Variants in GUCY2C observed in about 807,000 individuals in gnomAD.
The protein encoded by GUCY2C is guanylate cyclase 2C.
GUCY2C carries 118 observed loss-of-function variants against 131.1 expected under a neutral mutation model. That is an observed-to-expected ratio of 0.90 (90% CI 0.78 to 1.05). GUCY2C has a LOEUF of 1.05. Ranked by LOEUF, GUCY2C falls within the 50% of genes least tolerant of loss-of-function variation. GUCY2C has a pLI of 0.00. For missense variants in GUCY2C, 1,161 were observed against 1,304.4 expected (o/e 0.89, Z 1.69); for synonymous variants, 452 against 457.8 (o/e 0.99, Z 0.16).
rs1278960312 is a variant in GUCY2C at position 14,625,762 on chromosome 12, A to T, written c.2403T>A (p.Leu801=). 2 of 1,613,830 alleles carry T rather than the reference A, an allele frequency of 1.2e-6. No homozygotes were observed. Among genetic ancestry groups the T allele is most frequent in the Admixed American group, 3.3e-5 (2 of 59,946 alleles). The change falls in exon 21 of 27, where the codon CTT becomes CTA. Residue 801 remains leucine, a synonymous_variant. Transcript: ENST00000261170. ...ATCAGCAAGGCTTGCCTTACCTTGG[A>T]AGCAACATAAAGTTAAGTCTGTCAG... ...DRADRLNFML[L]PRLVVKSLKE...
chr12:14,673,655 T>C (rs762724286), intron 8 of GUCY2C, among the ~76,000 whole-genome samples: 1 of 152,202 alleles, frequency 6.6e-6, no homozygotes, highest in Non-Finnish European at 1.5e-5. Context: ...ATATTAAGGG[T>C]CGTACGGCTG....
chr12:14,695,936 C>T (rs1293666186), intron 1 of GUCY2C, among the ~76,000 whole-genome samples: 5 of 152,132 alleles, frequency 3.3e-5, no homozygotes, highest in African/African-American at 4.8e-5. Flanking sequence ...AGATTACAGA[C>T]GTGAGCCACC....
At chr12:14,693,131 C>A (rs1036918293) in intron 1 of GUCY2C, among the ~76,000 whole-genome samples, 1 of 152,086 alleles carries the variant, frequency 6.6e-6, no homozygotes, top group African/African-American at 2.4e-5. Context: ...CCTTTCCTAC[C>A]GGCACTCTCT....
chr12:14,680,110 A>C (rs1948320617), intron 5 of GUCY2C, among the ~76,000 whole-genome samples: 1 of 65,346 alleles, frequency 1.5e-5, no homozygotes, highest in Non-Finnish European at 5.7e-5. Context: ...TAATTACAGA[A>C]TATATTGTCA....
In GUCY2C at chr12:14,628,657, G is replaced by C; in HGVS notation, c.2238C>G (p.Ala746=). 6.5e-7 allele frequency: 1 copy of C among 1,537,588 alleles called. No homozygotes were observed. The highest frequency in any genetic ancestry group is 1.1e-5 in the South Asian group (1 of 89,432). The change falls in exon 20 of 27, where the codon GCC becomes GCG. Residue 746 remains alanine (A), a synonymous_variant. Transcript: ENST00000261170. ...CATTTCAGCAATACCCAAATATCTT[G>C]GCAAGTGTAGTCTCAATTTTTTTGA... ...PDFKKIETTL[A]KIFGLFHDQK...
In GUCY2C at chr12:14,634,370, AC is replaced by A. The variant is rs1217242340; in HGVS notation, c.2157+5491del. Among the ~76,000 whole-genome samples the A allele has an allele frequency of 3.3e-5, 5 of 152,208 alleles. No homozygotes were observed. The East Asian group carries it at 9.6e-4, about 29-fold the overall frequency. ...AATTCATCACCCCTAGACCTCCCCT[AC>A]AAGAAATGCTTCAGGGCGTCCTACG... On this transcript the variant is annotated intron_variant, in intron 19 of 26. Transcript: ENST00000261170.
intron 7 of GUCY2C, 74 bp from the exon 8 acceptor site, chr12:14,674,834 G>A (rs1592137002): frequency 1.7e-6 from 2 of 1,153,268 alleles, no homozygotes; most frequent in South Asian, 1.5e-5. Context: ...ACAAAAGGTT[G>A]TTGGGATCAG....
intron 14 of GUCY2C, among the ~76,000 whole-genome samples, chr12:14,651,739 T>C (rs1159271115): frequency 6.6e-6 from 1 of 152,196 alleles, no homozygotes; most frequent in South Asian, 2.1e-4. Context: ...TCAAATAATA[T>C]CAGGTCCACT....
intron 26 of GUCY2C, among the ~76,000 whole-genome samples, chr12:14,614,158 GTC>G (rs1231472435): frequency 1.3e-5 from 2 of 152,076 alleles, no homozygotes; most frequent in Admixed American, 1.3e-4. Flanking sequence ...ACTCTAAAGT[GTC>G]TTCTGTTCTC....
chr12:14,625,905 C>A lies in GUCY2C; in HGVS notation c.2260G>T (p.Asp754Tyr). Residue 754 changes from aspartate to tyrosine, a missense_variant, in exon 21 of 27, where the codon GAC becomes TAC. Transcript: ENST00000261170. ...TLAKIFGLFHDQKNESYMDTL... is the reference protein window; with the variant it reads ...TLAKIFGLFHYQKNESYMDTL... ...TCCATATAGCTTTCATTTTTTTGGTCATGAAAAAGTCTGTAGGTAGTAATA... is the reference window on the plus strand; with the variant it reads ...TCCATATAGCTTTCATTTTTTTGGTAATGAAAAAGTCTGTAGGTAGTAATA... 1 of 1,609,702 alleles carries A rather than the reference C, an allele frequency of 6.2e-7. No individual in the cohort carries two copies. The highest frequency in any genetic ancestry group is 1.1e-5 in the South Asian group (1 of 90,812).
chr12:14,684,915 G>T (rs1342908238), intron 3 of GUCY2C, among the ~76,000 whole-genome samples: 1 of 152,000 alleles, frequency 6.6e-6, no homozygotes, highest in Non-Finnish European at 1.5e-5. Context: ...GGGCTCAAGG[G>T]ATCCTCCTGC....
chr12:14,638,026 T>C (rs931046954), intron 19 of GUCY2C, among the ~76,000 whole-genome samples: 2 of 152,016 alleles, frequency 1.3e-5, no homozygotes, highest in Admixed American at 1.3e-4. Context: ...ACTCAGCAAT[T>C]AAAAAAATTC....
rs1265475497 is a variant in GUCY2C at position 14,621,336 on chromosome 12, C to T, written c.2602-120G>A. 6 of 830,784 alleles carry T rather than the reference C, an allele frequency of 7.2e-6. No homozygotes were observed. In the Admixed American group the frequency reaches 1.4e-4, roughly 20 times the overall value. The allele number at this position is 830,784 out of a possible 1,614,324, so 51.5% of individuals were successfully genotyped here. A position where few individuals can be genotyped will look rare whatever the true frequency, so the allele number is the denominator to read the frequency against. ...TTTGGGAACACAGTATGAGCATAGC[C>T]CTTTACACTTTTTCTGGGGCCAGTT... On this transcript the variant is annotated intron_variant, in intron 22 of 26. Coordinates refer to ENST00000261170, the MANE Select transcript of GUCY2C (RefSeq NM_004963.4).
At chr12:14,634,330 A>C (rs1159717088) in intron 19 of GUCY2C, among the ~76,000 whole-genome samples, 1 of 152,240 alleles carries the variant, frequency 6.6e-6, no homozygotes, top group Admixed American at 6.5e-5. Context: ...GTCCCAGGCA[A>C]GTGAATGCTA....
At chr12:14,633,759 A>G (rs996313336) in intron 19 of GUCY2C, among the ~76,000 whole-genome samples, 2 of 152,030 alleles carry the variant, frequency 1.3e-5, no homozygotes, top group African/African-American at 4.8e-5. Context: ...AAGTCATTCA[A>G]TAAAACACAA....
At chr12:14,691,537 A>G (rs1323884975) in intron 1 of GUCY2C, among the ~76,000 whole-genome samples, 1 of 152,162 alleles carries the variant, frequency 6.6e-6, no homozygotes, top group East Asian at 1.9e-4. Context: ...ACACTGCAAG[A>G]GGAGTCAGAA....
intron 15 of GUCY2C, 128 bp from the exon 16 acceptor site, chr12:14,645,443 T>G: frequency 1.7e-6 from 1 of 581,764 alleles, no homozygotes; most frequent in Non-Finnish European, 3.0e-6. Flanking sequence ...GGAATTCCAT[T>G]GTCTGGGATT....
chr12:14,648,756 A>C (rs1368907447), intron 15 of GUCY2C, among the ~76,000 whole-genome samples: 1 of 152,174 alleles, frequency 6.6e-6, no homozygotes, highest in Non-Finnish European at 1.5e-5. Context: ...CAATAACTGT[A>C]TATCTTATTT....
At chr12:14,616,811 T>A in intron 24 of GUCY2C, 84 bp from the exon 25 acceptor site, 1 of 784,062 alleles carries the variant, frequency 1.3e-6, no homozygotes, top group African/African-American at 1.7e-5. Context: ...CAACAACACC[T>A]GAGACAAGAA....
Sources: gnomAD v4.1 joint callset for allele counts (sites outside exome capture counted in the v4.1 genomes callset) on GRCh38, gnomAD v4.1.1 for gene constraint, MANE v1.5 for transcripts, NCBI Gene and HGNC (gene_info 2026-07-23, HGNC 2026-07-21) for gene names.